PSD2: variants seen among roughly 807,000 people sequenced by gnomAD.
PSD2 encodes PH and SEC7 domain-containing protein 2.
PSD2 carries 38 observed loss-of-function variants against 69.8 expected under a neutral mutation model. That is an observed-to-expected ratio of 0.54 (90% CI 0.42 to 0.71). PSD2 has a LOEUF of 0.71. PSD2 is among the 30% of genes least tolerant of loss of function. PSD2 has a pLI of 0.00. For missense variants in PSD2, 943 were observed against 1,014.5 expected, an observed-to-expected ratio of 0.93 and a Z score of 0.96; for synonymous variants, 412 against 423.0, an observed-to-expected ratio of 0.97 and a Z score of 0.32.
intron 7 of PSD2, among the ~76,000 whole-genome samples, chr5:139,823,401 C>T (rs1311437104): frequency 1.3e-5 from 2 of 152,212 alleles, no homozygotes; most frequent in Non-Finnish European, 2.9e-5. Flanking sequence ...CACCATCTGG[C>T]TCCACCCCAT....
At chr5:139,775,938 G>A in the PSD2 span, among the ~76,000 whole-genome samples, 1 of 152,264 alleles carries the variant, frequency 6.6e-6, no homozygotes, top group Admixed American at 6.5e-5. Flanking sequence ...CAAAATGCTG[G>A]GATTACAGGC....
At chr5:139,789,332 C>T in the PSD2 span, among the ~76,000 whole-genome samples, 265 of 152,280 alleles carry the variant, frequency 1.7e-3, 1 homozygote, top group African/African-American at 6.2e-3. Flanking sequence ...CAGACCTGCC[C>T]GGCCTGGGGG....
Position 139,832,245 on chromosome 5 carries a change from C to T in PSD2, c.1270-1457C>T, listed in dbSNP as rs951203869. Among the ~76,000 whole-genome samples the T allele has an allele frequency of 1.0e-3, 155 of 152,244 alleles. 3 individuals are homozygous for T. Among genetic ancestry groups the T allele is most frequent in the Non-Finnish European group, 4.3e-4 (29 of 68,024 alleles). On this transcript the variant is annotated intron_variant, in intron 7 of 14. Coordinates refer to ENST00000274710, the MANE Select transcript of PSD2 (RefSeq NM_032289.4). The stretch of plus-strand genomic sequence containing the variant: ...CTCAAAGACAGTCTTACCAACATTG[C>T]CCTCATAATCCTGTATTGCAAATGT...
chr5:139,814,359 C>A lies in PSD2; in HGVS notation c.1011C>A (p.Gly337=). 1 of 1,598,228 alleles carries A rather than the reference C, an allele frequency of 6.3e-7. No individual in the cohort carries two copies. Among genetic ancestry groups the A allele is most frequent in the South Asian group, 1.1e-5 (1 of 89,260 alleles). The change falls in exon 4 of 15, where the codon GGC becomes GGA. Residue 337 remains glycine, a synonymous_variant. Transcript: ENST00000274710. This position sits in a 1 kb window ranked among gnomAD's most constrained non-coding sequence, Gnocchi z 4.4. ...GCTGTGATGTGGCCCGGCAGCTGGGCAAGAAGTGAGTGTGAGCTCCCCTGC... is the reference window on the plus strand; with the variant it reads ...GCTGTGATGTGGCCCGGCAGCTGGGAAAGAAGTGAGTGTGAGCTCCCCTGC... ...FQRCDVARQL[G]KNNEFSRLVA... is the part of the protein sequence containing the mutation.
chr5:139,792,367 C>A (rs1217634439), upstream of PSD2, among the ~76,000 whole-genome samples: 10 of 152,138 alleles, frequency 6.6e-5, no homozygotes, highest in Admixed American at 6.5e-4. Context: ...TGAGTCCTCC[C>A]AATTGGTGGG....
chr5:139,828,179 G>A (rs1339517167), intron 7 of PSD2, among the ~76,000 whole-genome samples: 1 of 152,034 alleles, frequency 6.6e-6, no homozygotes, highest in African/African-American at 2.4e-5. Flanking sequence ...CGGAGACCAG[G>A]AGAGAAATTC....
intron 5 of PSD2, among the ~76,000 whole-genome samples, chr5:139,819,091 C>T (rs1318215615): frequency 6.6e-6 from 1 of 152,134 alleles, no homozygotes; most frequent in Non-Finnish European, 1.5e-5. Flanking sequence ...TCTTTGCATG[C>T]TTAATAACTT....
the PSD2 span, among the ~76,000 whole-genome samples, chr5:139,756,962 A>T: frequency 3.9e-5 from 6 of 152,204 alleles, no homozygotes; most frequent in Non-Finnish European, 8.8e-5. Context: ...GTCTCCATTC[A>T]TCCACACAAC....
chr5:139,803,175 G>A (rs1306868639), intron 1 of PSD2, among the ~76,000 whole-genome samples: 1 of 152,240 alleles, frequency 6.6e-6, no homozygotes, highest in Admixed American at 6.5e-5. Context: ...GGACAGTAGG[G>A]ACCTCAGCTG....
At chr5:139,818,245 T>A (rs1354684005) in intron 5 of PSD2, among the ~76,000 whole-genome samples, 1 of 152,010 alleles carries the variant, frequency 6.6e-6, no homozygotes, top group Non-Finnish European at 1.5e-5. Context: ...TCTTACACTT[T>A]AAAAAAATGT....
the PSD2 span, chr5:139,745,341 T>G: frequency 6.6e-6 from 1 of 152,514 alleles, no homozygotes; most frequent in South Asian, 2.1e-4. Flanking sequence ...AGGCAGATGG[T>G]GGAGGGACTT....
the PSD2 span, among the ~76,000 whole-genome samples, chr5:139,784,407 T>A: frequency 6.6e-6 from 1 of 152,170 alleles, no homozygotes; most frequent in African/African-American, 2.4e-5. Context: ...AATTGACATC[T>A]CGATGGCCTC....
the PSD2 span, among the ~76,000 whole-genome samples, chr5:139,752,206 A>G: frequency 6.6e-6 from 1 of 151,880 alleles, no homozygotes; most frequent in South Asian, 2.1e-4. Flanking sequence ...GTCTCTCTCT[A>G]CTAGGTTCCT....
At chr5:139,812,714 G>T (rs1251030325) in intron 2 of PSD2, among the ~76,000 whole-genome samples, 1 of 152,182 alleles carries the variant, frequency 6.6e-6, no homozygotes, top group Non-Finnish European at 1.5e-5. Context: ...GCTGAGGTGC[G>T]TTTGGCCGAG....
At chr5:139,832,001 C>T (rs756579515) in intron 7 of PSD2, among the ~76,000 whole-genome samples, 3 of 152,178 alleles carry the variant, frequency 2.0e-5, no homozygotes, top group South Asian at 4.2e-4. Flanking sequence ...GCAGGTGCTT[C>T]GGGGAGGAAT....
chr5:139,777,455 G>A, the PSD2 span, among the ~76,000 whole-genome samples: 4 of 152,322 alleles, frequency 2.6e-5, no homozygotes, highest in East Asian at 3.9e-4. Context: ...GAAAGGCAAC[G>A]TCTGTCTAAC....
At chr5:139,840,374 C>T (rs553425812) in intron 14 of PSD2, among the ~76,000 whole-genome samples, 1 of 152,322 alleles carries the variant, frequency 6.6e-6, no homozygotes, top group East Asian at 1.9e-4. Flanking sequence ...GGGGCAGAAG[C>T]TCAGATGAAG....
chr5:139,800,098 G>A (rs1759633077), intron 1 of PSD2, among the ~76,000 whole-genome samples: 1 of 152,218 alleles, frequency 6.6e-6, no homozygotes, highest in Non-Finnish European at 1.5e-5. Context: ...CCCTGAGCAG[G>A]GCTAGGCCAG....
chr5:139,803,537 C>A (rs75522412), intron 1 of PSD2, among the ~76,000 whole-genome samples: 1 of 152,150 alleles, frequency 6.6e-6, no homozygotes, highest in South Asian at 2.1e-4. Flanking sequence ...AGGAGGACAC[C>A]GAGCTCAGAT....
Sources: gnomAD v4.1 joint callset for allele counts (sites outside exome capture counted in the v4.1 genomes callset) on GRCh38, gnomAD v4.1.1 for gene constraint, Gnocchi (gnomAD v3.1) non-coding constraint, MANE v1.5 for transcripts, NCBI Gene and HGNC (gene_info 2026-07-23, HGNC 2026-07-21) for gene names.